The following NALF1 variants were observed in gnomAD, a reference collection of about 807,000 sequenced individuals.
The protein encoded by NALF1 is NALCN channel auxiliary factor 1.
NALF1 carries 3 observed loss-of-function variants against 48.4 expected under a neutral mutation model. The observed-to-expected ratio is 0.06, with a 90% CI of 0.03 to 0.16. NALF1 has a LOEUF of 0.16. NALF1 is among the 10% of genes least tolerant of loss of function. The probability of loss-of-function intolerance (pLI) is 1.00; values close to 1 mark genes in which losing one functional copy is unlikely to be tolerated. For synonymous variants in NALF1, 262 were observed against 245.7 expected (o/e 1.07, Z -0.62); for missense variants, 526 against 571.5 (o/e 0.92, Z 0.81).
intron 1 of NALF1, among the ~76,000 whole-genome samples, chr13:107,833,101 T>C (rs77130056): frequency 0.044 from 6,662 of 152,254 alleles, 382 homozygotes; most frequent in African/African-American, 0.13. Flanking sequence ...CAGTTTTCTG[T>C]GCAGAGGGCC....
chr13:107,203,562 C>T (rs918632625), intron 2 of NALF1, among the ~76,000 whole-genome samples: 1 of 152,000 alleles, frequency 6.6e-6, no homozygotes, highest in Non-Finnish European at 1.5e-5. Context: ...GTGACATCTT[C>T]CCTCAATGGC....
chr13:107,454,628 A>G (rs543056165), intron 1 of NALF1, among the ~76,000 whole-genome samples: 2 of 152,278 alleles, frequency 1.3e-5, no homozygotes, highest in East Asian at 3.9e-4. Flanking sequence ...TCACAGTTGT[A>G]TATGTTTTGG....
intron 1 of NALF1, among the ~76,000 whole-genome samples, chr13:107,445,027 T>C (rs1275552898): frequency 6.6e-6 from 1 of 152,234 alleles, no homozygotes; most frequent in East Asian, 1.9e-4. Flanking sequence ...TGTGGTGATA[T>C]ATTGCATAAT....
intron 1 of NALF1, among the ~76,000 whole-genome samples, chr13:107,428,328 A>G (rs1884315078): frequency 6.6e-6 from 1 of 152,314 alleles, no homozygotes; most frequent in East Asian, 1.9e-4. Context: ...GCTGTAAACA[A>G]CTTAACCAGG....
At position 107,233,085 on chromosome 13, in the gene NALF1, G is replaced by C. The variant is rs187661971; in HGVS notation, c.916-22330C>G. On this transcript the variant is annotated intron_variant, in intron 1 of 2. Coordinates refer to ENST00000375915, the MANE Select transcript of NALF1 (RefSeq NM_001080396.3). ...TCTGGGAAGTGTTTTGGGTTGAAGG[G>C]GAAGCTTTTAATTCTATGCATTTAA... 4.7e-4 allele frequency among the ~76,000 whole-genome samples: 71 copies of C among 151,958 alleles called. No individual in the cohort carries two copies. The East Asian group carries it at 0.014, about 29-fold the overall frequency.
chr13:107,803,461 TA>T (rs557221743), intron 1 of NALF1, among the ~76,000 whole-genome samples: 94 of 152,048 alleles, frequency 6.2e-4, no homozygotes, highest in African/African-American at 2.1e-3. Flanking sequence ...TAAGAACCTT[TA>T]AAAAAAATGG....
chr13:107,738,211 T>A (rs546448465), intron 1 of NALF1, among the ~76,000 whole-genome samples: 1 of 152,334 alleles, frequency 6.6e-6, no homozygotes, highest in East Asian at 1.9e-4. Flanking sequence ...ATCCAGTTCA[T>A]TTATGTCTTG....
At chr13:107,838,031 C>T (rs556003302) in intron 1 of NALF1, among the ~76,000 whole-genome samples, 76 of 152,266 alleles carry the variant, frequency 5.0e-4, no homozygotes, top group Non-Finnish European at 8.5e-4. Flanking sequence ...AAAGCGACTA[C>T]GACTTCTGTT....
At chr13:107,802,938 T>G (rs373274651) in intron 1 of NALF1, among the ~76,000 whole-genome samples, 2 of 152,244 alleles carry the variant, frequency 1.3e-5, no homozygotes, top group African/African-American at 4.8e-5. Context: ...GAATGGTTAT[T>G]CGATGACCAG....
intron 1 of NALF1, among the ~76,000 whole-genome samples, chr13:107,273,605 A>T (rs1443416383): frequency 6.6e-6 from 1 of 152,242 alleles, no homozygotes; most frequent in Non-Finnish European, 1.5e-5. Flanking sequence ...GCTGCTCAGA[A>T]CATGATGCTT....
chr13:107,582,656 G>A (rs1000165135), intron 1 of NALF1, among the ~76,000 whole-genome samples: 9 of 152,104 alleles, frequency 5.9e-5, no homozygotes, highest in Admixed American at 5.9e-4. Context: ...TTAATGTAAG[G>A]AAAGATTCAA....
intron 1 of NALF1, among the ~76,000 whole-genome samples, chr13:107,447,493 C>A (rs2139032009): frequency 6.6e-6 from 1 of 152,302 alleles, no homozygotes; most frequent in Non-Finnish European, 1.5e-5. Context: ...TTCTGCATAA[C>A]ACATAGGAAT....
At chr13:107,178,730 T>A (rs1878993169) in intron 2 of NALF1, among the ~76,000 whole-genome samples, 1 of 151,934 alleles carries the variant, frequency 6.6e-6, no homozygotes, top group Non-Finnish European at 1.5e-5. Flanking sequence ...GATCACGAGG[T>A]CAGGAGATCA....
chr13:107,417,578 C>T lies in NALF1; in HGVS notation c.916-206823G>A, dbSNP rs545512456. Among the ~76,000 whole-genome samples, 11 of 152,264 alleles carry T rather than the reference C, an allele frequency of 7.2e-5. No individual in the cohort carries two copies. The East Asian group carries it at 1.9e-3, about 27-fold the overall frequency. ...CTGGCCTAGATGTAGACTGTAACATCTACTGGGTGTGTAAGGTGCTTATTT... is the reference window on the plus strand; with the variant it reads ...CTGGCCTAGATGTAGACTGTAACATTTACTGGGTGTGTAAGGTGCTTATTT... On this transcript the variant is annotated intron_variant, in intron 1 of 2. Transcript: ENST00000375915.
In NALF1 at chr13:107,641,047, T is replaced by C. The variant is rs866720292; in HGVS notation, c.915+224635A>G. 9.2e-5 allele frequency among the ~76,000 whole-genome samples: 14 copies of C among 152,360 alleles called. No homozygotes were observed. The South Asian group carries it at 1.2e-3, about 14-fold the overall frequency. ...ATAAATGGATAACTAAAATATGGTA[T>C]TGACACACAATGAAATATCTACTTG... On this transcript the variant is annotated intron_variant, in intron 1 of 2. Transcript: ENST00000375915.
At chr13:107,352,242 C>A (rs34675125) in intron 1 of NALF1, among the ~76,000 whole-genome samples, 1 of 151,822 alleles carries the variant, frequency 6.6e-6, no homozygotes. Flanking sequence ...TGGTAGTTAG[C>A]GAGGGAAGGA....
chr13:107,500,452 T>C (rs1024208307), intron 1 of NALF1, among the ~76,000 whole-genome samples: 19 of 151,408 alleles, frequency 1.3e-4, no homozygotes, highest in South Asian at 2.1e-4. Flanking sequence ...AGTCAGGAAA[T>C]AACAGGTGCT....
chr13:107,793,091 A>G (rs527982602), intron 1 of NALF1, among the ~76,000 whole-genome samples: 9 of 152,360 alleles, frequency 5.9e-5, no homozygotes, highest in East Asian at 1.9e-4. Context: ...GATCCAAAGT[A>G]TCATGTTTTT....
chr13:107,726,932 T>TGTGTGC (rs1876173092), intron 1 of NALF1, among the ~76,000 whole-genome samples: 17 of 149,694 alleles, frequency 1.1e-4, no homozygotes, highest in African/African-American at 4.0e-4. Context: ...TGTGTGTGTG[T>TGTGTGC]GTGTGTGTGT....
Sources: allele counts gnomAD v4.1 joint callset (sites outside exome capture counted in the v4.1 genomes callset), GRCh38; gene constraint gnomAD v4.1.1; transcripts MANE v1.5; gene names NCBI Gene and HGNC (gene_info 2026-07-23, HGNC 2026-07-21).